The following TDG variants were observed in gnomAD, a reference collection of about 807,000 sequenced individuals.
TDG encodes G/T mismatch-specific thymine DNA glycosylase.
Under a neutral mutation model 46.1 loss-of-function variants are expected in TDG, and 23 were observed. The observed-to-expected ratio is 0.50, with a 90% CI of 0.36 to 0.71. The LOEUF (loss-of-function observed/expected upper bound fraction) is 0.71, where lower values mean the gene tolerates loss of function less well. TDG is among the 30% of genes least tolerant of loss of function. The pLI, the probability that TDG is intolerant of heterozygous loss-of-function variation, is 0.00. For missense variants in TDG, 304 were observed against 486.7 expected (o/e 0.62, Z 3.53); for synonymous variants, 115 against 161.3 (o/e 0.71, Z 2.18).
At chr12:103,984,375 C>T (rs984858408) in intron 7 of TDG, among the ~76,000 whole-genome samples, 3 of 152,056 alleles carry the variant, frequency 2.0e-5, no homozygotes, top group Admixed American at 2.0e-4. Context: ...AGGCGGATCA[C>T]CTGAGGTTAG....
intron 4 of TDG, among the ~76,000 whole-genome samples, chr12:103,981,567 A>T (rs1479666881): frequency 6.6e-6 from 1 of 152,174 alleles, no homozygotes; most frequent in Non-Finnish European, 1.5e-5. Context: ...TGATTTTTTA[A>T]AAGTTGTTAT....
intron 1 of TDG, among the ~76,000 whole-genome samples, chr12:103,968,493 A>G (rs1409442754): frequency 6.6e-6 from 1 of 152,150 alleles, no homozygotes; most frequent in Non-Finnish European, 1.5e-5. Flanking sequence ...CAGAACACCT[A>G]AGTACTTTGT....
chr12:103,977,761 A>G (rs565738708), intron 2 of TDG, among the ~76,000 whole-genome samples: 1 of 152,326 alleles, frequency 6.6e-6, no homozygotes, highest in South Asian at 2.1e-4. Context: ...TTGGTAGACA[A>G]CAAGTCGGAA....
At chr12:103,981,679 ATAG>A (rs1871843825) in intron 4 of TDG, among the ~76,000 whole-genome samples, 1 of 152,202 alleles carries the variant, frequency 6.6e-6, no homozygotes, top group Non-Finnish European at 1.5e-5. Context: ...AGAGCATAAA[ATAG>A]TAGTAAAGAC....
intron 3 of TDG, chr12:103,980,401 T>G (rs1458971942): frequency 3.5e-6 from 1 of 289,170 alleles, no homozygotes; most frequent in African/African-American, 2.2e-5. Context: ...AGAATCCATG[T>G]GAATCACTTC....
At chr12:103,981,277 G>A (rs2722183) in intron 4 of TDG, among the ~76,000 whole-genome samples, 1 of 120,900 alleles carries the variant, frequency 8.3e-6, no homozygotes, top group African/African-American at 3.2e-5. Context: ...CTCTTTTTGC[G>A]CAGACTGGAG....
intron 1 of TDG, among the ~76,000 whole-genome samples, chr12:103,974,542 A>G (rs1043680626): frequency 5.6e-4 from 85 of 152,194 alleles, no homozygotes; most frequent in African/African-American, 1.9e-3. Flanking sequence ...TGCCCTCCCA[A>G]AGCACTAGGA....
rs561747052 is a variant in TDG, at chr12:103,975,396, A to G, written c.24-1522A>G. Among the ~76,000 whole-genome samples, 5 of 152,336 alleles carry G rather than the reference A, an allele frequency of 3.3e-5. No individual in the cohort carries two copies. The South Asian group carries it at 6.2e-4, about 19-fold the overall frequency. On this transcript the variant is annotated intron_variant, in intron 1 of 9. Coordinates refer to ENST00000392872, the MANE Select transcript of TDG (RefSeq NM_003211.6). The stretch of plus-strand genomic sequence containing the variant: ...TTGTGTTGCTGTTTCAGAATGCCAT[A>G]GACTGGGCAATTAATAAACAGTAGA...
Position 103,988,363 on chromosome 12 carries a change from G to T in TDG, c.*1273G>T, listed in dbSNP as rs1261096613. 1 of 152,698 alleles carries T rather than the reference G, an allele frequency of 6.5e-6. No individual in the cohort carries two copies. The highest frequency in any genetic ancestry group is 2.4e-5 in the African/African-American group (1 of 41,484). 9.5% of individuals were successfully genotyped at this position (152,698 alleles called of 1,614,324 possible). Reference sequence around the variant, plus strand: ...GATTGCTCTTCTCTTTATAATAAGAGAAACAAATTCTTATTGTGAATCTTA... The same window carrying T: ...GATTGCTCTTCTCTTTATAATAAGATAAACAAATTCTTATTGTGAATCTTA... On this transcript the variant is annotated 3_prime_UTR_variant, in exon 10 of 10. Coordinates refer to ENST00000392872, the MANE Select transcript of TDG (RefSeq NM_003211.6).
intron 1 of TDG, among the ~76,000 whole-genome samples, chr12:103,967,150 T>C (rs1394909970): frequency 2.6e-5 from 4 of 152,214 alleles, no homozygotes; most frequent in African/African-American, 9.7e-5. Context: ...AGAGCAGAAT[T>C]GAAACTTGGG....
At chr12:103,976,841 A>T in intron 1 of TDG, 77 bp from the exon 2 acceptor site, 1 of 1,566,686 alleles carries the variant, frequency 6.4e-7, no homozygotes, top group Admixed American at 1.8e-5. Context: ...TGTACTGAAG[A>T]TTTTTGTACA....
intron 1 of TDG, chr12:103,967,721 T>C (rs1344448308): frequency 2.0e-5 from 3 of 151,986 alleles, no homozygotes; most frequent in African/African-American, 7.3e-5. Context: ...CCTCCCAAAG[T>C]GCTAGGATTA....
At chr12:103,971,388 C>G (rs956181515) in intron 1 of TDG, among the ~76,000 whole-genome samples, 3 of 152,062 alleles carry the variant, frequency 2.0e-5, no homozygotes, top group African/African-American at 4.8e-5. Context: ...ATGGTGAAAC[C>G]CTGTCTCTAC....
At chr12:103,972,333 G>T (rs185568040) in intron 1 of TDG, among the ~76,000 whole-genome samples, 3 of 152,116 alleles carry the variant, frequency 2.0e-5, no homozygotes, top group African/African-American at 7.2e-5. Flanking sequence ...TGGCCAGGCC[G>T]GTCTCGAACT....
intron 3 of TDG, 192 bp from the exon 4 acceptor site, chr12:103,980,701 A>G (rs1871780987): frequency 2.0e-6 from 1 of 489,076 alleles, no homozygotes; most frequent in African/African-American, 2.0e-5. Flanking sequence ...TTTTAAAATA[A>G]AGAAAATCTC....
chr12:103,967,560 G>A (rs1282945449), intron 1 of TDG, among the ~76,000 whole-genome samples: 1 of 150,430 alleles, frequency 6.6e-6, no homozygotes, highest in South Asian at 2.1e-4. Context: ...GGGTTCAAGC[G>A]ATTCTCCCGC....
At chr12:103,983,525 A>G (rs2136241905) in intron 7 of TDG, 136 bp downstream of exon 7, 1 of 564,086 alleles carries the variant, frequency 1.8e-6, no homozygotes, top group Non-Finnish European at 3.0e-6. Context: ...ATACCTATAC[A>G]TCAGCTTTAA....
chr12:103,976,773 T>G, intron 1 of TDG, 145 bp from the exon 2 acceptor site: 1 of 964,870 alleles, frequency 1.0e-6, no homozygotes, highest in Non-Finnish European at 1.5e-6. Flanking sequence ...GGACTAGATC[T>G]CTCCTCTGTA....
At chr12:103,983,252 C>G (rs758046168) in intron 6 of TDG, 34 bp downstream of exon 6, 1 of 1,567,002 alleles carries the variant, frequency 6.4e-7, no homozygotes, top group Non-Finnish European at 8.6e-7. Context: ...TTTTTCTTTG[C>G]TAACATTATG....
Sources: gnomAD v4.1 joint callset for allele counts (sites outside exome capture counted in the v4.1 genomes callset) on GRCh38, gnomAD v4.1.1 for gene constraint, MANE v1.5 for transcripts, NCBI Gene and HGNC (gene_info 2026-07-23, HGNC 2026-07-21) for gene names.